Variants in NCOA3 observed in about 807,000 individuals in gnomAD.
NCOA3 encodes nuclear receptor coactivator 3.
NCOA3 carries 51 observed loss-of-function variants against 158.8 expected under a neutral mutation model. The ratio of observed to expected loss-of-function variants is 0.32; its 90% confidence interval spans 0.26 to 0.41. The LOEUF is 0.41. NCOA3 is among the 10% of genes least tolerant of loss of function. The pLI is 1.00. For synonymous variants in NCOA3, 537 were observed against 592.4 expected (o/e 0.91, Z 1.36); for missense variants, 1,510 against 1,746.6 (o/e 0.86, Z 2.41).
At chr20:47,629,697 A>G (rs2086382340) in intron 8 of NCOA3, among the ~76,000 whole-genome samples, 1 of 152,190 alleles carries the variant, frequency 6.6e-6, no homozygotes, top group African/African-American at 2.4e-5. Flanking sequence ...AGTGACAGCA[A>G]TTGTTATATA....
At chr20:47,508,486 T>C (rs1313195485) in intron 1 of NCOA3, among the ~76,000 whole-genome samples, 1 of 152,156 alleles carries the variant, frequency 6.6e-6, no homozygotes, top group Non-Finnish European at 1.5e-5. Context: ...TCTCATGCAT[T>C]TGAGAACTTT....
chr20:47,580,446 C>T (rs2085433657), intron 1 of NCOA3, among the ~76,000 whole-genome samples: 1 of 151,862 alleles, frequency 6.6e-6, no homozygotes, highest in African/African-American at 2.4e-5. Flanking sequence ...ATCCCAGCTA[C>T]TCGGGAGGCT....
Position 47,625,400 on chromosome 20 carries a change from T to C in NCOA3, c.276T>C (p.Asp92=). Residue 92 remains aspartate, a synonymous_variant, in exon 5 of 23, where the codon GAT becomes GAC. Transcript: ENST00000371998. ...TTTCAGGAAAAACTATTTCCAATGATGATGATGTTCAAAAAGCCGATGTAT... is the reference window on the plus strand; with the variant it reads ...TTTCAGGAAAAACTATTTCCAATGACGATGATGTTCAAAAAGCCGATGTAT... ...IKEQGKTISN[D]DDVQKADVSS... is the part of the protein sequence containing the mutation. 1 of 1,612,882 alleles carries C rather than the reference T, an allele frequency of 6.2e-7. No individual in the cohort carries two copies. The highest frequency in any genetic ancestry group is 8.5e-7 in the Non-Finnish European group (1 of 1,178,972).
chr20:47,583,902 G>T (rs1376069555), intron 2 of NCOA3, among the ~76,000 whole-genome samples: 1 of 152,090 alleles, frequency 6.6e-6, no homozygotes, highest in Non-Finnish European at 1.5e-5. Flanking sequence ...CTGCGCCTCA[G>T]CTGTGATTGT....
chr20:47,629,238 TC>T (rs2086374945), intron 8 of NCOA3, among the ~76,000 whole-genome samples: 1 of 152,194 alleles, frequency 6.6e-6, no homozygotes, highest in South Asian at 2.1e-4. Flanking sequence ...TAACCTATCT[TC>T]AGGATTTTTG....
At chr20:47,514,280 A>T (rs1039382290) in intron 1 of NCOA3, among the ~76,000 whole-genome samples, 1 of 152,042 alleles carries the variant, frequency 6.6e-6, no homozygotes, top group Non-Finnish European at 1.5e-5. Flanking sequence ...ATTTAGGTCC[A>T]TAACAGTTCT....
At chr20:47,602,926 T>A (rs2085885673) in intron 2 of NCOA3, among the ~76,000 whole-genome samples, 1 of 152,184 alleles carries the variant, frequency 6.6e-6, no homozygotes, top group Non-Finnish European at 1.5e-5. Flanking sequence ...GGGTTTTTTT[T>A]AGGCTAAATT....
chr20:47,581,765 A>G (rs1039246302), intron 1 of NCOA3, among the ~76,000 whole-genome samples: 6 of 152,146 alleles, frequency 3.9e-5, no homozygotes, highest in African/African-American at 1.4e-4. Context: ...CCTGCACGCC[A>G]TTTCTTCAAG....
chr20:47,593,069 G>C (rs546180937), intron 2 of NCOA3, among the ~76,000 whole-genome samples: 1 of 152,052 alleles, frequency 6.6e-6, no homozygotes, highest in African/African-American at 2.4e-5. Flanking sequence ...AAGTAGCTCG[G>C]GTTACAGGCA....
At chr20:47,628,105 T>C in intron 8 of NCOA3, 82 bp downstream of exon 8, 1 of 953,694 alleles carries the variant, frequency 1.0e-6, no homozygotes, top group Non-Finnish European at 1.6e-6. Flanking sequence ...TGTTACTATT[T>C]TTAATCTGTA....
chr20:47,514,976 C>T (rs906627814), intron 1 of NCOA3, among the ~76,000 whole-genome samples: 1 of 151,070 alleles, frequency 6.6e-6, no homozygotes, highest in Non-Finnish European at 1.5e-5. Flanking sequence ...TGAGCCACCA[C>T]ACCCAGCCTC....
chr20:47,517,452 T>TC (rs1486061406), intron 1 of NCOA3, among the ~76,000 whole-genome samples: 1 of 118,370 alleles, frequency 8.4e-6, no homozygotes, highest in African/African-American at 5.2e-5. Context: ...TTTCTTTTTC[T>TC]TTTTTTTTTT....
rs371932445 is a variant in NCOA3 at position 47,639,056 on chromosome 20, G to A, written c.2561G>A (p.Arg854Gln). 12 of 1,613,966 alleles carry A rather than the reference G, an allele frequency of 7.4e-6. No individual in the cohort carries two copies. Among genetic ancestry groups the A allele is most frequent in the South Asian group, 1.1e-5 (1 of 91,072 alleles). Reference sequence around the variant, plus strand: ...CAGTCTATTCGTCCTCCATATAACCGAGCAGTGTCTCTGGATAGCCCTGTT... The same window carrying A: ...CAGTCTATTCGTCCTCCATATAACCAAGCAGTGTCTCTGGATAGCCCTGTT... ...SVQSIRPPYNRAVSLDSPVSV... is the reference protein window; with the variant it reads ...SVQSIRPPYNQAVSLDSPVSV... Residue 854 changes from arginine (R) to glutamine (Q), a missense_variant, in exon 14 of 23, where the codon CGA (arginine) becomes CAA (glutamine). Physicochemically the swap from Arg to Gln is conservative, Grantham distance 43. Coordinates refer to ENST00000371998, the MANE Select transcript of NCOA3 (RefSeq NM_181659.3).
At position 47,622,287 on chromosome 20, in the gene NCOA3, G is replaced by A. The variant is rs1198455539; in HGVS notation, c.40G>A (p.Asp14Asn). ...AGAAAACTTGGATCCACTGGCCAGT[G>A]ATTCACGAAAACGCAAATTGCCATG... ...LGENLDPLAS[D>N]SRKRKLPCDT... The change falls in exon 3 of 23, where the codon GAT becomes AAT. Residue 14 changes from aspartate (D) to asparagine (N), a missense_variant. This residue lies in a region of NCOA3 where 309 missense variants were observed against 427.1 expected (regional missense o/e 0.72). Coordinates refer to ENST00000371998, the MANE Select transcript of NCOA3 (RefSeq NM_181659.3). The A allele has an allele frequency of 6.2e-7, 1 of 1,607,958 alleles. No individual in the cohort carries two copies. The highest frequency in any genetic ancestry group is 8.5e-7 in the Non-Finnish European group (1 of 1,177,690).
At chr20:47,599,922 C>T (rs1218880848) in intron 2 of NCOA3, among the ~76,000 whole-genome samples, 4 of 152,092 alleles carry the variant, frequency 2.6e-5, no homozygotes, top group Non-Finnish European at 4.4e-5. Flanking sequence ...GGCTATCTTG[C>T]GCAATGCCTC....
chr20:47,634,025 T>A (rs1256083480), intron 9 of NCOA3, 23 bp from the exon 10 acceptor site: 1 of 1,613,774 alleles, frequency 6.2e-7, no homozygotes, highest in East Asian at 2.2e-5. Flanking sequence ...TAGTTACCAG[T>A]GATGGGATAT....
At chr20:47,536,608 C>G (rs529056753) in intron 1 of NCOA3, among the ~76,000 whole-genome samples, 5 of 152,238 alleles carry the variant, frequency 3.3e-5, no homozygotes, top group African/African-American at 9.6e-5. Context: ...TGTAGGGGCT[C>G]TTTGCCTCTT....
intron 1 of NCOA3, among the ~76,000 whole-genome samples, chr20:47,532,385 G>GT (rs567737522): frequency 2.7e-4 from 40 of 150,786 alleles, no homozygotes; most frequent in Non-Finnish European, 5.3e-4. Context: ...GAACAAAGAC[G>GT]TAAGTAGCAA....
At chr20:47,541,608 C>A (rs2084739203) in intron 1 of NCOA3, among the ~76,000 whole-genome samples, 1 of 150,052 alleles carries the variant, frequency 6.7e-6, no homozygotes, top group Non-Finnish European at 1.5e-5. Context: ...GTCTCGAACT[C>A]CTGGCCTCAA....
Sources: allele counts gnomAD v4.1 joint callset (sites outside exome capture counted in the v4.1 genomes callset), GRCh38; gene constraint gnomAD v4.1.1; regional missense constraint gnomAD v4.1.1; transcripts MANE v1.5; gene names NCBI Gene and HGNC (gene_info 2026-07-23, HGNC 2026-07-21).